CCDC178: variants seen among roughly 807,000 people sequenced by gnomAD.
CCDC178 encodes coiled-coil domain-containing protein 178.
CCDC178 carries 126 observed loss-of-function variants against 117.4 expected under a neutral mutation model. The ratio of observed to expected loss-of-function variants is 1.07; its 90% CI spans 0.93 to 1.24. The LOEUF is 1.24. Ranked by LOEUF, CCDC178 falls within the 50% of genes most tolerant of loss-of-function variation. The pLI, the probability that CCDC178 is intolerant of heterozygous loss-of-function variation, is 0.00. For synonymous variants in CCDC178, 283 were observed against 313.4 expected, an observed-to-expected ratio of 0.90 and a Z score of 1.02; for missense variants, 1,030 against 986.9, an observed-to-expected ratio of 1.04 and a Z score of -0.59.
chr18:33,365,741 T>G (rs1214534330), intron 6 of CCDC178, among the ~76,000 whole-genome samples: 1 of 152,070 alleles, frequency 6.6e-6, no homozygotes, highest in Non-Finnish European at 1.5e-5. Context: ...ATTGATTAAA[T>G]GAAGAGGAAA....
At chr18:33,088,552 T>G (rs2057416882) in intron 21 of CCDC178, among the ~76,000 whole-genome samples, 1 of 152,200 alleles carries the variant, frequency 6.6e-6, no homozygotes, top group Non-Finnish European at 1.5e-5. Flanking sequence ...TAAATGGCAT[T>G]GTGTTTTAAA....
chr18:33,114,979 C>G (rs1249528194), intron 20 of CCDC178, among the ~76,000 whole-genome samples: 1 of 151,976 alleles, frequency 6.6e-6, no homozygotes, highest in East Asian at 1.9e-4. Context: ...TTGCATGGTT[C>G]TGGGGTTGAG....
intron 21 of CCDC178, among the ~76,000 whole-genome samples, chr18:32,975,382 G>A (rs2055009387): frequency 6.6e-6 from 1 of 152,112 alleles, no homozygotes; most frequent in Non-Finnish European, 1.5e-5. Context: ...GAAAAAGAAA[G>A]AATTCACCTA....
chr18:33,194,901 A>C (rs2058907941), intron 20 of CCDC178, among the ~76,000 whole-genome samples: 1 of 93,896 alleles, frequency 1.1e-5, no homozygotes, highest in African/African-American at 5.7e-5. Flanking sequence ...CTGTTTCTAC[A>C]AAAAAAAAAA....
intron 20 of CCDC178, among the ~76,000 whole-genome samples, chr18:33,153,050 G>A (rs1254776484): frequency 6.7e-6 from 1 of 149,136 alleles, no homozygotes; most frequent in Non-Finnish European, 1.5e-5. Context: ...AACACAAAGA[G>A]GCAATTACTA....
intron 20 of CCDC178, among the ~76,000 whole-genome samples, chr18:33,147,746 T>C (rs1344605075): frequency 6.6e-6 from 1 of 152,160 alleles, no homozygotes; most frequent in Non-Finnish European, 1.5e-5. Flanking sequence ...CAGAACAAAA[T>C]GGAGTCTCCT....
At chr18:33,357,828 G>A (rs1008488785) in intron 6 of CCDC178, among the ~76,000 whole-genome samples, 3 of 48,266 alleles carry the variant, frequency 6.2e-5, no homozygotes, top group Non-Finnish European at 1.2e-4. Context: ...ATATATATAT[G>A]TGTATGCATG....
chr18:33,067,586 TG>T (rs1228113761), intron 21 of CCDC178, among the ~76,000 whole-genome samples: 1 of 152,232 alleles, frequency 6.6e-6, no homozygotes, highest in African/African-American at 2.4e-5. Flanking sequence ...GGCTCACTCT[TG>T]TAATCCCAGC....
chr18:33,335,422 T>G (rs1599178693), intron 9 of CCDC178, among the ~76,000 whole-genome samples: 1 of 152,206 alleles, frequency 6.6e-6, no homozygotes, highest in African/African-American at 2.4e-5. Context: ...AGATTTTTGT[T>G]CCAAAGAGTC....
At chr18:33,158,409 G>T (rs1440528911) in intron 20 of CCDC178, among the ~76,000 whole-genome samples, 3 of 151,830 alleles carry the variant, frequency 2.0e-5, no homozygotes, top group Admixed American at 1.3e-4. Flanking sequence ...TATTTCCATA[G>T]AATTATCTAA....
intron 6 of CCDC178, among the ~76,000 whole-genome samples, chr18:33,369,402 GA>G (rs949991814): frequency 1.2e-4 from 18 of 147,342 alleles, no homozygotes; most frequent in East Asian, 4.0e-4. Flanking sequence ...ACAGTGGAGA[GA>G]AAAAAAAAAT....
intron 21 of CCDC178, among the ~76,000 whole-genome samples, chr18:33,089,207 T>C (rs1014826052): frequency 3.9e-5 from 6 of 152,118 alleles, no homozygotes; most frequent in African/African-American, 9.7e-5. Flanking sequence ...CATGTTTTTT[T>C]CAAAGCTTTA....
rs536768758 is a variant in CCDC178 at position 32,939,725 on chromosome 18, A to G, written c.2524-1634T>C. Reference sequence around the variant, plus strand: ...TTTGTGATCAGCACTAATAACCTGCATGACTCAGTGTGCAGATAGGAGCAT... The same window carrying G: ...TTTGTGATCAGCACTAATAACCTGCGTGACTCAGTGTGCAGATAGGAGCAT... On this transcript the variant is annotated intron_variant, in intron 22 of 22. Transcript: ENST00000383096. 9.2e-5 allele frequency among the ~76,000 whole-genome samples: 14 copies of G among 152,262 alleles called. No homozygotes were observed. In the East Asian group the frequency reaches 2.5e-3, roughly 27 times the overall value.
intron 21 of CCDC178, among the ~76,000 whole-genome samples, chr18:33,088,990 G>T (rs2145061149): frequency 6.6e-6 from 1 of 152,120 alleles, no homozygotes; most frequent in African/African-American, 2.4e-5. Context: ...TATTTCTAAA[G>T]GCACTTCTAG....
chr18:33,082,237 G>A (rs555307532), intron 21 of CCDC178, among the ~76,000 whole-genome samples: 7 of 152,124 alleles, frequency 4.6e-5, no homozygotes, highest in African/African-American at 7.2e-5. Context: ...TTGGGAGGCC[G>A]AGGCAGGCAG....
intron 21 of CCDC178, among the ~76,000 whole-genome samples, chr18:33,087,562 C>G (rs1227376838): frequency 7.5e-6 from 1 of 133,354 alleles, no homozygotes; most frequent in Non-Finnish European, 1.6e-5. Context: ...GGGGCCAAAG[C>G]CATTTGTGTG....
In CCDC178 at chr18:32,974,517, G is replaced by C. The variant is rs375762929; in HGVS notation, c.2523+30C>G. On this transcript the variant is annotated intron_variant, in intron 22 of 22. Coordinates refer to ENST00000383096, the MANE Select transcript of CCDC178 (RefSeq NM_001105528.4). Reference sequence around the variant, plus strand: ...TTTGCTTTTCAATCTAGATCAGAATGATCTTTCCTACTTCCCTGCAATCAC... The same window carrying C: ...TTTGCTTTTCAATCTAGATCAGAATCATCTTTCCTACTTCCCTGCAATCAC... 4.4e-6 allele frequency: 7 copies of C among 1,604,566 alleles called. No individual in the cohort carries two copies. The African/African-American group carries it at 9.4e-5, about 21-fold the overall frequency.
At chr18:33,062,060 C>T (rs1328774453) in intron 21 of CCDC178, among the ~76,000 whole-genome samples, 1 of 152,072 alleles carries the variant, frequency 6.6e-6, no homozygotes, top group East Asian at 1.9e-4. Flanking sequence ...GAATGTAAGT[C>T]TTGAAGCATG....
At chr18:33,028,740 T>G (rs892941078) in intron 21 of CCDC178, among the ~76,000 whole-genome samples, 3 of 151,840 alleles carry the variant, frequency 2.0e-5, no homozygotes, top group Non-Finnish European at 4.4e-5. Context: ...AAAGCAGTGT[T>G]TGTTTTTGTC....
Sources: allele counts gnomAD v4.1 joint callset (sites outside exome capture counted in the v4.1 genomes callset), GRCh38; gene constraint gnomAD v4.1.1; transcripts MANE v1.5; gene names NCBI Gene and HGNC (gene_info 2026-07-23, HGNC 2026-07-21).